The following ADGRL2 variants were observed in gnomAD, a reference collection of about 807,000 sequenced individuals.
ADGRL2 encodes calcium-independent alpha-latrotoxin receptor 2.
In ADGRL2, 44 loss-of-function variants were observed where a neutral mutation model predicts 157.4. That is an observed-to-expected ratio of 0.28 (90% confidence interval 0.22 to 0.36). The LOEUF is 0.36. ADGRL2 is among the 10% of genes least tolerant of loss of function. The probability of loss-of-function intolerance (pLI) is 1.00; values close to 1 mark genes in which losing one functional copy is unlikely to be tolerated. For missense variants in ADGRL2, 1,510 were observed against 1,768.9 expected (o/e 0.85, Z 2.63); for synonymous variants, 585 against 624.7 (o/e 0.94, Z 0.95).
At chr1:81,480,132 G>A (rs150385375) in intron 2 of ADGRL2, among the ~76,000 whole-genome samples, 10 of 152,224 alleles carry the variant, frequency 6.6e-5, no homozygotes, top group Middle Eastern at 3.4e-3. Flanking sequence ...TCTTCAACCA[G>A]AATCTTCCTC....
chr1:81,679,119 G>T (rs2083055138), intron 3 of ADGRL2, among the ~76,000 whole-genome samples: 1 of 152,106 alleles, frequency 6.6e-6, no homozygotes, highest in Non-Finnish European at 1.5e-5. Flanking sequence ...TTTCCAAATG[G>T]CTCTTTGTAG....
At chr1:81,968,604 G>C (rs1051244737) in intron 14 of ADGRL2, among the ~76,000 whole-genome samples, 1 of 152,288 alleles carries the variant, frequency 6.6e-6, no homozygotes, top group South Asian at 2.1e-4. Context: ...GTGCAAAGCT[G>C]CATCTTTTGA....
intron 1 of ADGRL2, among the ~76,000 whole-genome samples, chr1:81,715,924 G>A (rs2084102553): frequency 6.6e-6 from 1 of 152,106 alleles, no homozygotes; most frequent in East Asian, 1.9e-4. Flanking sequence ...AGGCATTTTT[G>A]AGCTTGGCAA....
intron 2 of ADGRL2, among the ~76,000 whole-genome samples, chr1:81,508,133 A>G (rs1421733327): frequency 2.0e-5 from 3 of 152,234 alleles, no homozygotes; most frequent in East Asian, 1.9e-4. Context: ...TTTAAGGCAC[A>G]TGGAATCACT....
chr1:81,665,655 T>C (rs561042896), intron 3 of ADGRL2, among the ~76,000 whole-genome samples: 106 of 152,264 alleles, frequency 7.0e-4, no homozygotes, highest in African/African-American at 2.5e-3. Context: ...CCTCTAGATG[T>C]TATAATTCAT....
chr1:81,747,926 G>A lies in ADGRL2; in HGVS notation c.-142-13885G>A, dbSNP rs530171535. On this transcript the variant is annotated intron_variant, in intron 1 of 20. Coordinates refer to the ADGRL2 transcript ENST00000359929. ...GAAGACTAGGTGTAAGAAAGTAGGA[G>A]TAGCTTGCCCAAAATTATATAACAA... 2.6e-5 allele frequency among the ~76,000 whole-genome samples: 4 copies of A among 152,062 alleles called. No homozygotes were observed. The South Asian group carries it at 6.2e-4, about 24-fold the overall frequency.
intron 1 of ADGRL2, among the ~76,000 whole-genome samples, chr1:81,383,808 CAA>C (rs56660027): frequency 1.6e-4 from 17 of 104,316 alleles, no homozygotes; most frequent in Middle Eastern, 5.3e-3. Flanking sequence ...ACTAAAAATA[CAA>C]AAAAAAAAAA....
chr1:81,376,179 A>G (rs1233527856), intron 1 of ADGRL2, among the ~76,000 whole-genome samples: 2 of 152,220 alleles, frequency 1.3e-5, no homozygotes, highest in Non-Finnish European at 2.9e-5. Flanking sequence ...TATTTGTTCA[A>G]TTCAAAACTG....
intron 3 of ADGRL2, among the ~76,000 whole-genome samples, chr1:81,686,789 C>G (rs879450151): frequency 6.6e-6 from 1 of 152,148 alleles, no homozygotes; most frequent in Admixed American, 6.5e-5. Flanking sequence ...GAACTTTCCT[C>G]TTAGCACTGC....
intron 2 of ADGRL2, among the ~76,000 whole-genome samples, chr1:81,793,124 A>C (rs1052921414): frequency 6.6e-6 from 1 of 152,110 alleles, no homozygotes; most frequent in Middle Eastern, 3.2e-3. Context: ...TCTTCAGCGA[A>C]ATTTTGGCAT....
intron 2 of ADGRL2, chr1:81,501,840 T>G: frequency 1.3e-6 from 2 of 1,560,190 alleles, no homozygotes; most frequent in Non-Finnish European, 1.7e-6. Flanking sequence ...CAGCCACACC[T>G]GGCTCCTCTG....
intron 2 of ADGRL2, among the ~76,000 whole-genome samples, chr1:81,507,838 G>T (rs1000354515): frequency 6.6e-6 from 1 of 152,016 alleles, no homozygotes; most frequent in Admixed American, 6.6e-5. Context: ...CCATTCTCCT[G>T]GTAGAAATAT....
chr1:81,465,298 T>C (rs1571046215), intron 2 of ADGRL2, among the ~76,000 whole-genome samples: 1 of 152,192 alleles, frequency 6.6e-6, no homozygotes, highest in East Asian at 1.9e-4. Flanking sequence ...TTGAGAATGC[T>C]TGTGTATTAT....
At position 81,502,657 on chromosome 1, in the gene ADGRL2, C is replaced by G. The variant is rs897861835; in HGVS notation, c.-248+57568C>G. On this transcript the variant is annotated intron_variant, in intron 2 of 24. Coordinates refer to the ADGRL2 transcript ENST00000370721. ...TCACCAGCGCTGCCTTCACCCTCAG[C>G]TCAGGACGCAGTACATGAAGTATCT... 1.3e-5 allele frequency: 21 copies of G among 1,613,746 alleles called. No homozygotes were observed. The African/African-American group carries it at 2.5e-4, about 19-fold the overall frequency.
At chr1:81,610,760 A>T (rs2081525368) in intron 3 of ADGRL2, among the ~76,000 whole-genome samples, 1 of 152,160 alleles carries the variant, frequency 6.6e-6, no homozygotes, top group African/African-American at 2.4e-5. Flanking sequence ...AACAAAACTG[A>T]GGATATCTTT....
At chr1:81,970,998 G>A (rs1189798159) in intron 16 of ADGRL2, among the ~76,000 whole-genome samples, 1 of 152,068 alleles carries the variant, frequency 6.6e-6, no homozygotes, top group Non-Finnish European at 1.5e-5. Flanking sequence ...GTATCAGGCA[G>A]TTTGAAAGGA....
chr1:81,713,053 C>A (rs933441630), intron 1 of ADGRL2, among the ~76,000 whole-genome samples: 1 of 151,914 alleles, frequency 6.6e-6, no homozygotes, highest in Non-Finnish European at 1.5e-5. Context: ...CCACCATGCC[C>A]GGCTTGAGAG....
Position 81,903,019 on chromosome 1 carries a change from A to T in ADGRL2, c.74-3998A>T, listed in dbSNP as rs1012140142. On this transcript the variant is annotated intron_variant, in intron 2 of 23. Transcript: ENST00000686636. ...CGATCACTTGAAATGTTGGAATAGC[A>T]TGTGTACTTGATTAAAAGGAGCTTG... 2.6e-5 allele frequency among the ~76,000 whole-genome samples: 4 copies of T among 152,344 alleles called. 1 individual carries two copies. The highest frequency in any genetic ancestry group is 9.6e-5 in the African/African-American group (4 of 41,586).
rs1662881880 is a variant in ADGRL2 at position 81,985,467 on chromosome 1, C to G, written c.3508+112C>G. On this transcript the variant is annotated intron_variant, in intron 21 of 23. Coordinates refer to ENST00000686636, the MANE Select transcript of ADGRL2 (RefSeq NM_001366006.2). ...AATTTTAAACTGCATTAACAGGATG[C>G]GGCTCGAAGGTAATTATTGAAAATA... 15 of 544,292 alleles carry G rather than the reference C, an allele frequency of 2.8e-5. No homozygotes were observed. The South Asian group carries it at 4.3e-4, about 15-fold the overall frequency. The allele number at this position is 544,292 out of a possible 1,614,324, so 33.7% of individuals were successfully genotyped here. A position where few individuals can be genotyped will look rare whatever the true frequency, so the allele number is the denominator to read the frequency against.
Sources: gnomAD v4.1 joint callset for allele counts (sites outside exome capture counted in the v4.1 genomes callset) on GRCh38, gnomAD v4.1.1 for gene constraint, MANE v1.5 for transcripts, NCBI Gene and HGNC (gene_info 2026-07-23, HGNC 2026-07-21) for gene names.